DSCAM: variants seen among roughly 807,000 people sequenced by gnomAD.
DSCAM encodes the protein cell adhesion molecule DSCAM.
A neutral mutation model predicts 217.7 loss-of-function variants in DSCAM; 47 were observed. The ratio of observed to expected loss-of-function variants is 0.22; its 90% confidence interval spans 0.17 to 0.28. The LOEUF is 0.28. Among genes scored for constraint, DSCAM ranks in the 10% least tolerant of loss-of-function variants. DSCAM has a pLI of 1.00. For synonymous variants in DSCAM, 1,056 were observed against 1,015.3 expected (o/e 1.04, Z -0.76); for missense variants, 2,080 against 2,618.3 (o/e 0.79, Z 4.49).
At chr21:40,459,728 T>C (rs2075790978) in intron 3 of DSCAM, among the ~76,000 whole-genome samples, 1 of 151,940 alleles carries the variant, frequency 6.6e-6, no homozygotes, top group Non-Finnish European at 1.5e-5. Context: ...TAGCAAAATA[T>C]GAAAGATATT....
chr21:40,290,537 C>T (rs1343059473), intron 10 of DSCAM, among the ~76,000 whole-genome samples: 2 of 152,188 alleles, frequency 1.3e-5, no homozygotes, highest in Non-Finnish European at 2.9e-5. Context: ...AGAAGAATCT[C>T]TTGAACCCGG....
intron 28 of DSCAM, among the ~76,000 whole-genome samples, chr21:40,060,144 A>G (rs1269158709): frequency 1.3e-5 from 2 of 152,216 alleles, no homozygotes; most frequent in South Asian, 2.1e-4. Flanking sequence ...AAACCACTGT[A>G]ACTATCATAA....
chr21:40,792,010 G>A (rs1054110901), intron 1 of DSCAM, among the ~76,000 whole-genome samples: 1 of 152,060 alleles, frequency 6.6e-6, no homozygotes, highest in African/African-American at 2.4e-5. Context: ...CTGGAGGCTA[G>A]AAGTTAGAGA....
intron 3 of DSCAM, among the ~76,000 whole-genome samples, chr21:40,631,803 T>C (rs1019589674): frequency 5.9e-5 from 9 of 152,142 alleles, no homozygotes; most frequent in African/African-American, 1.7e-4. Flanking sequence ...GGAACCTCAC[T>C]CCCCATGAGG....
chr21:40,491,864 AT>A (rs930899112), intron 3 of DSCAM, among the ~76,000 whole-genome samples: 1 of 152,024 alleles, frequency 6.6e-6, no homozygotes, highest in African/African-American at 2.4e-5. Flanking sequence ...CCCACTGACT[AT>A]TGCCAACCCC....
intron 3 of DSCAM, among the ~76,000 whole-genome samples, chr21:40,577,387 G>A (rs2076860660): frequency 6.6e-6 from 1 of 152,150 alleles, no homozygotes; most frequent in African/African-American, 2.4e-5. Context: ...CACTGACACG[G>A]TAGTCGATCC....
At position 40,791,550 on chromosome 21, in the gene DSCAM, G is replaced by A. The variant is rs1008925608; in HGVS notation, c.43+55069C>T. ...GGCGCCTGTAGTCCCAGCTACTCGG[G>A]AGGCTGAGGCGGGAATGGCGTGAAC... is the stretch of plus-strand genomic sequence containing the variant. On this transcript the variant is annotated intron_variant, in intron 1 of 32. Transcript: ENST00000400454. 2.6e-5 allele frequency among the ~76,000 whole-genome samples: 4 copies of A among 152,296 alleles called. No homozygotes were observed. The East Asian group carries it at 7.7e-4, about 29-fold the overall frequency.
At chr21:40,187,799 GC>G in intron 13 of DSCAM, 91 bp downstream of exon 13, 1 of 1,117,462 alleles carries the variant, frequency 8.9e-7, no homozygotes, top group Non-Finnish European at 1.4e-6. Context: ...GTGTTACATG[GC>G]AAGTTGAGGA....
chr21:40,577,241 TA>T (rs67100943), intron 3 of DSCAM, among the ~76,000 whole-genome samples: 98,617 of 141,616 alleles, frequency 0.7, 34,167 homozygotes, highest in Admixed American at 0.72. Context: ...AAAGCTTTAT[TA>T]AAAAAAAAAA....
chr21:40,836,921 C>A (rs560515624), intron 1 of DSCAM, among the ~76,000 whole-genome samples: 17 of 152,334 alleles, frequency 1.1e-4, no homozygotes, highest in African/African-American at 3.8e-4. Context: ...TTCCCCACAA[C>A]GCTGGCATCA....
intron 1 of DSCAM, among the ~76,000 whole-genome samples, chr21:40,784,460 T>C (rs2091575283): frequency 6.6e-6 from 1 of 152,230 alleles, no homozygotes; most frequent in Non-Finnish European, 1.5e-5. Flanking sequence ...GTCTCAGGTA[T>C]GTCTTTATCA....
At chr21:40,330,490 G>C (rs537956463) in intron 8 of DSCAM, among the ~76,000 whole-genome samples, 2 of 150,502 alleles carry the variant, frequency 1.3e-5, no homozygotes, top group Non-Finnish European at 3.0e-5. Flanking sequence ...AAAGTAATTT[G>C]AGATATCGCT....
chr21:40,173,338 A>G (rs1007806199), intron 15 of DSCAM, among the ~76,000 whole-genome samples: 1 of 152,208 alleles, frequency 6.6e-6, no homozygotes, highest in African/African-American at 2.4e-5. Flanking sequence ...GGAAGAGACG[A>G]AGAACATTTC....
At chr21:40,316,898 A>G (rs1342310049) in intron 8 of DSCAM, among the ~76,000 whole-genome samples, 2 of 152,178 alleles carry the variant, frequency 1.3e-5, no homozygotes, top group Middle Eastern at 3.2e-3. Flanking sequence ...ATGGAGGGAA[A>G]TGCTTTGATT....
At chr21:40,065,967 C>A (rs2089200658) in intron 27 of DSCAM, among the ~76,000 whole-genome samples, 1 of 152,194 alleles carries the variant, frequency 6.6e-6, no homozygotes, top group South Asian at 2.1e-4. Flanking sequence ...CAACCTCTCT[C>A]TGAGTTTCCT....
chr21:40,678,809 G>A (rs2090368911), intron 3 of DSCAM, among the ~76,000 whole-genome samples: 1 of 152,218 alleles, frequency 6.6e-6, no homozygotes, highest in African/African-American at 2.4e-5. Context: ...AGTAAAGTCT[G>A]AGGCTCGTGG....
intron 1 of DSCAM, among the ~76,000 whole-genome samples, chr21:40,731,928 C>T (rs891142404): frequency 1.3e-4 from 20 of 152,096 alleles, no homozygotes; most frequent in South Asian, 2.1e-4. Flanking sequence ...GGTTTTATCA[C>T]GTTGGCCCGG....
intron 3 of DSCAM, among the ~76,000 whole-genome samples, chr21:40,508,426 T>G (rs974739239): frequency 6.6e-6 from 1 of 152,118 alleles, no homozygotes; most frequent in Non-Finnish European, 1.5e-5. Context: ...AACTCTATTA[T>G]GTATTTCAAA....
intron 11 of DSCAM, among the ~76,000 whole-genome samples, chr21:40,265,576 T>A (rs1313251401): frequency 6.6e-6 from 1 of 152,074 alleles, no homozygotes; most frequent in Non-Finnish European, 1.5e-5. Context: ...AGAATCACAT[T>A]ACCCAACTTC....
Sources: gnomAD v4.1 joint callset for allele counts (sites outside exome capture counted in the v4.1 genomes callset) on GRCh38, gnomAD v4.1.1 for gene constraint, MANE v1.5 for transcripts, NCBI Gene and HGNC (gene_info 2026-07-23, HGNC 2026-07-21) for gene names.